Variants in PTPRD observed in about 807,000 individuals in gnomAD.
The protein encoded by PTPRD is receptor-type tyrosine-protein phosphatase delta.
Under a neutral mutation model 214.5 loss-of-function variants are expected in PTPRD, and 34 were observed. The ratio of observed to expected loss-of-function variants is 0.16; its 90% CI spans 0.12 to 0.21. The LOEUF (loss-of-function observed/expected upper bound fraction) is 0.21. Among genes scored for constraint, PTPRD ranks in the 10% least tolerant of loss-of-function variants. The pLI, the probability that PTPRD is intolerant of heterozygous loss-of-function variation, is 1.00. For synonymous variants in PTPRD, 1,128 were observed against 845.7 expected (o/e 1.33, Z -5.79); for missense variants, 2,545 against 2,398.7 (o/e 1.06, Z -1.27).
chr9:8,340,604 T>C (rs566706109), intron 41 of PTPRD, 135 bp from the exon 42 acceptor site: 1 of 843,868 alleles, frequency 1.2e-6, no homozygotes, highest in South Asian at 3.9e-5. Flanking sequence ...AAATTCCTGC[T>C]AAGATTAAAT....
intron 6 of PTPRD, among the ~76,000 whole-genome samples, chr9:9,745,547 C>T (rs1026335174): frequency 5.3e-5 from 8 of 152,082 alleles, no homozygotes; most frequent in African/African-American, 1.9e-4. Flanking sequence ...GCTGTGTTCC[C>T]ATGATTTTTA....
At chr9:9,496,008 G>A (rs867382140) in intron 8 of PTPRD, among the ~76,000 whole-genome samples, 2 of 152,146 alleles carry the variant, frequency 1.3e-5, no homozygotes, top group African/African-American at 4.8e-5. Context: ...CGTAGCAGCT[G>A]GCTGGATCCT....
chr9:9,129,553 C>G (rs553815971), intron 10 of PTPRD, among the ~76,000 whole-genome samples: 66 of 152,236 alleles, frequency 4.3e-4, no homozygotes, highest in African/African-American at 1.6e-3. Flanking sequence ...ACAGCTGATA[C>G]ATCGTTCAAT....
chr9:9,372,442 C>T (rs1197348004), intron 9 of PTPRD, among the ~76,000 whole-genome samples: 3 of 151,746 alleles, frequency 2.0e-5, no homozygotes, highest in Non-Finnish European at 1.5e-5. Flanking sequence ...CAACCCCTGT[C>T]TTTTTTTGTT....
At chr9:8,743,121 G>GA (rs2092303663) in intron 11 of PTPRD, among the ~76,000 whole-genome samples, 1 of 148,322 alleles carries the variant, frequency 6.7e-6, no homozygotes, top group East Asian at 2.0e-4. Context: ...AAAAGGGGGG[G>GA]GGGACTTTTA....
intron 11 of PTPRD, among the ~76,000 whole-genome samples, chr9:8,950,680 C>T (rs934969643): frequency 4.0e-5 from 6 of 151,482 alleles, no homozygotes; most frequent in Non-Finnish European, 8.8e-5. Flanking sequence ...ATCCTATACA[C>T]TATTAACACT....
At chr9:9,671,713 C>T (rs185292364) in intron 7 of PTPRD, among the ~76,000 whole-genome samples, 1 of 152,252 alleles carries the variant, frequency 6.6e-6, no homozygotes, top group Admixed American at 6.5e-5. Context: ...TGCACTTTTG[C>T]ATCTTCCTCA....
intron 9 of PTPRD, among the ~76,000 whole-genome samples, chr9:9,376,469 G>A (rs2060832866): frequency 6.6e-6 from 1 of 152,102 alleles, no homozygotes; most frequent in African/African-American, 2.4e-5. Flanking sequence ...CCTACATAGT[G>A]TTTAGGACTA....
intron 8 of PTPRD, among the ~76,000 whole-genome samples, chr9:9,534,284 T>C (rs554777592): frequency 5.9e-5 from 9 of 152,092 alleles, no homozygotes; most frequent in East Asian, 1.9e-4. Flanking sequence ...ATTTATACAA[T>C]ATTGAAAGAA....
chr9:9,454,554 G>T (rs535882265), intron 8 of PTPRD, among the ~76,000 whole-genome samples: 101 of 151,842 alleles, frequency 6.7e-4, no homozygotes, highest in Middle Eastern at 3.4e-3. Context: ...CATTAGTTCA[G>T]TAAGAATTTT....
chr9:8,998,269 G>C (rs967608856), intron 11 of PTPRD, among the ~76,000 whole-genome samples: 1 of 152,036 alleles, frequency 6.6e-6, no homozygotes, highest in Non-Finnish European at 1.5e-5. Context: ...GTTCTTCAAA[G>C]GATAGGCTGG....
intron 11 of PTPRD, among the ~76,000 whole-genome samples, chr9:8,759,781 C>A (rs1477974599): frequency 6.6e-6 from 1 of 152,098 alleles, no homozygotes; most frequent in Non-Finnish European, 1.5e-5. Flanking sequence ...CTCTCCTGGT[C>A]CTATAATAAA....
rs572882836 is a variant in PTPRD, at chr9:10,144,118, AAAAT to A, written c.-544-110332_-544-110329del. Among the ~76,000 whole-genome samples, 127 of 152,276 alleles carry A rather than the reference AAAAT, an allele frequency of 8.3e-4. 1 individual carries two copies. The highest frequency in any genetic ancestry group is 2.3e-3 in the African/African-American group (95 of 41,576). On this transcript the variant is annotated intron_variant, in intron 3 of 45. Coordinates refer to ENST00000381196, the MANE Select transcript of PTPRD (RefSeq NM_002839.4). Reference sequence around the variant, plus strand: ...TAAAGAAAAAAATAAAGTAATTTTAAAAATAAATAGAGAATAAATGAATGTATTA... The same window carrying A: ...TAAAGAAAAAAATAAAGTAATTTTAAAAATAGAGAATAAATGAATGTATTA...
At chr9:8,480,223 T>G (rs1350025726) in intron 30 of PTPRD, among the ~76,000 whole-genome samples, 1 of 152,146 alleles carries the variant, frequency 6.6e-6, no homozygotes, top group Non-Finnish European at 1.5e-5. Flanking sequence ...AGTCTTTCTC[T>G]TGCCTCTACA....
chr9:9,935,906 C>T (rs1449001017), intron 5 of PTPRD, among the ~76,000 whole-genome samples: 2 of 150,186 alleles, frequency 1.3e-5, no homozygotes, highest in Non-Finnish European at 3.0e-5. Flanking sequence ...CAGAACAGAG[C>T]CCTCAGAAAT....
chr9:10,039,086 C>T (rs955730969), intron 3 of PTPRD, among the ~76,000 whole-genome samples: 1 of 151,992 alleles, frequency 6.6e-6, no homozygotes, highest in Non-Finnish European at 1.5e-5. Flanking sequence ...CAGGCATGTA[C>T]GTAGGTTTGT....
At chr9:10,111,920 G>A (rs1003811378) in intron 3 of PTPRD, among the ~76,000 whole-genome samples, 5 of 152,292 alleles carry the variant, frequency 3.3e-5, no homozygotes, top group Non-Finnish European at 5.9e-5. Context: ...TAGCTGCAGT[G>A]TATTTTTCTT....
At chr9:9,364,233 A>G (rs955291543) in intron 9 of PTPRD, among the ~76,000 whole-genome samples, 5 of 151,400 alleles carry the variant, frequency 3.3e-5, no homozygotes, top group South Asian at 2.1e-4. Context: ...ATATGCACAT[A>G]AAGTCTGTGT....
chr9:8,698,248 T>C (rs2097973389), intron 12 of PTPRD, among the ~76,000 whole-genome samples: 1 of 152,226 alleles, frequency 6.6e-6, no homozygotes, highest in Admixed American at 6.5e-5. Flanking sequence ...TAGATGTTTA[T>C]TCAGTGCTTT....
Sources: allele counts gnomAD v4.1 joint callset (sites outside exome capture counted in the v4.1 genomes callset), GRCh38; gene constraint gnomAD v4.1.1; transcripts MANE v1.5; gene names NCBI Gene and HGNC (gene_info 2026-07-23, HGNC 2026-07-21).